The following ZFP2 variants were observed in gnomAD, a reference collection of about 807,000 sequenced individuals.
The protein encoded by ZFP2 is zinc finger protein ZFP2.
ZFP2 carries 33 observed loss-of-function variants against 36.1 expected under a neutral mutation model. The observed-to-expected ratio is 0.92, with a 90% CI of 0.69 to 1.22. The LOEUF is 1.22. Ranked by LOEUF, ZFP2 falls within the 50% of genes most tolerant of loss-of-function variation. ZFP2 has a pLI of 0.00. For synonymous variants in ZFP2, 170 were observed against 178.0 expected, an observed-to-expected ratio of 0.96 and a Z score of 0.36; for missense variants, 522 against 551.4, an observed-to-expected ratio of 0.95 and a Z score of 0.53.
chr5:178,917,951 TC>T (rs1758476694), intron 4 of ZFP2, among the ~76,000 whole-genome samples: 1 of 152,250 alleles, frequency 6.6e-6, no homozygotes. Flanking sequence ...CCTTAGATAG[TC>T]CTATGACTTC....
At chr5:178,920,608 G>C (rs1291480273) in intron 4 of ZFP2, among the ~76,000 whole-genome samples, 1 of 151,146 alleles carries the variant, frequency 6.6e-6, no homozygotes, top group Non-Finnish European at 1.5e-5. Flanking sequence ...CTGCACTCCA[G>C]CTTGGGCAAC....
chr5:178,905,067 G>T (rs760812096), intron 1 of ZFP2, among the ~76,000 whole-genome samples: 2 of 151,974 alleles, frequency 1.3e-5, no homozygotes, highest in African/African-American at 2.4e-5. Flanking sequence ...TACTGTTCTC[G>T]TATATTTATC....
In ZFP2 at chr5:178,931,606, G is replaced by A. The variant is rs1163110891; in HGVS notation, c.293G>A (p.Gly98Glu). 1.2e-6 allele frequency: 2 copies of A among 1,614,148 alleles called. No individual in the cohort carries two copies. Residue 98 changes from glycine (G) to glutamate (E), a missense_variant, in exon 5 of 5, where the codon GGA (glycine) becomes GAA (glutamate). By Grantham distance (98) the Gly-to-Glu change is moderately conservative. Coordinates refer to ENST00000361362, the MANE Select transcript of ZFP2 (RefSeq NM_030613.4). ...ELIKTQRMFV[G>E]KKIYECNQCS... ...ATTAAAACTCAAAGAATGTTTGTAGGAAAGAAGATCTATGAATGTAATCAG... is the reference window on the plus strand; with the variant it reads ...ATTAAAACTCAAAGAATGTTTGTAGAAAAGAAGATCTATGAATGTAATCAG...
intron 1 of ZFP2, among the ~76,000 whole-genome samples, chr5:178,911,072 C>T (rs1335797390): frequency 6.6e-6 from 1 of 152,074 alleles, no homozygotes; most frequent in Admixed American, 6.5e-5. Context: ...TTCCCTTTCT[C>T]CTTGGTTAAA....
chr5:178,921,831 A>G (rs1430617526), intron 4 of ZFP2, among the ~76,000 whole-genome samples: 1 of 149,302 alleles, frequency 6.7e-6, no homozygotes, highest in Non-Finnish European at 1.5e-5. Flanking sequence ...AGGGCCTTCA[A>G]ATAATTGCTT....
chr5:178,932,061 G>C lies in ZFP2; in HGVS notation c.748G>C (p.Ala250Pro), dbSNP rs751328502. The change falls in exon 5 of 5, where the codon GCC becomes CCC. Residue 250 changes from alanine (A) to proline (P), a missense_variant. Coordinates refer to ENST00000361362, the MANE Select transcript of ZFP2 (RefSeq NM_030613.4). ...KPYECNECGK[A>P]FSQSMHLIVH... Reference sequence around the variant, plus strand: ...CTATGAATGTAATGAATGTGGAAAAGCCTTCAGTCAAAGCATGCATCTTAT... The same window carrying C: ...CTATGAATGTAATGAATGTGGAAAACCCTTCAGTCAAAGCATGCATCTTAT... 13 of 1,614,000 alleles carry C rather than the reference G, an allele frequency of 8.1e-6. No homozygotes were observed. The highest frequency in any genetic ancestry group is 1.1e-5 in the Non-Finnish European group (13 of 1,180,036).
chr5:178,896,219 G>A (rs1415068328), intron 1 of ZFP2, among the ~76,000 whole-genome samples: 1 of 152,212 alleles, frequency 6.6e-6, no homozygotes, highest in Non-Finnish European at 1.5e-5. Context: ...GTCCTTCGGC[G>A]CTGTCCTGGG....
In ZFP2 at chr5:178,931,644, T is replaced by C; in HGVS notation, c.331T>C (p.Phe111Leu). 1 of 1,614,110 alleles carries C rather than the reference T, an allele frequency of 6.2e-7. No individual in the cohort carries two copies. The highest frequency in any genetic ancestry group is 1.1e-5 in the South Asian group (1 of 91,074). ...TGAATGTAATCAGTGCAGCAAAACC[T>C]TCAGTCAGAGCTCATCCCTTCTTAA... ...IYECNQCSKTFSQSSSLLKHQ... is the reference protein window; with the variant it reads ...IYECNQCSKTLSQSSSLLKHQ... Residue 111 changes from phenylalanine to leucine, a missense_variant, in exon 5 of 5, where the codon TTC (phenylalanine) becomes CTC (leucine). Transcript: ENST00000361362.
At chr5:178,908,468 A>G (rs1758216270) in intron 1 of ZFP2, among the ~76,000 whole-genome samples, 1 of 151,610 alleles carries the variant, frequency 6.6e-6, no homozygotes, top group Non-Finnish European at 1.5e-5. Context: ...AAATTATTAC[A>G]ACCTAATTTC....
intron 4 of ZFP2, among the ~76,000 whole-genome samples, chr5:178,918,740 T>C (rs1758490277): frequency 6.6e-6 from 1 of 152,230 alleles, no homozygotes; most frequent in African/African-American, 2.4e-5. Context: ...GTATGTTGCT[T>C]AATGTAAAAT....
At chr5:178,927,685 G>T (rs200012350) in intron 4 of ZFP2, among the ~76,000 whole-genome samples, 1 of 150,046 alleles carries the variant, frequency 6.7e-6, no homozygotes, top group Non-Finnish European at 1.5e-5. Flanking sequence ...GTGTGTGTGT[G>T]TGTGTGTGTG....
chr5:178,928,523 G>C (rs1346919982), intron 4 of ZFP2, among the ~76,000 whole-genome samples: 2 of 152,230 alleles, frequency 1.3e-5, no homozygotes, highest in Admixed American at 1.3e-4. Flanking sequence ...CATCAGGGCA[G>C]TCATTAAATC....
rs1758437612 is a variant in ZFP2, at chr5:178,916,659, C to T, written c.-129C>T. The T allele has an allele frequency of 2.0e-6, 2 of 985,430 alleles. No individual in the cohort carries two copies. The highest frequency in any genetic ancestry group is 1.1e-4 in the East Asian group (1 of 8,818). The allele number at this position is 985,430 out of a possible 1,614,324, so 61.0% of individuals were successfully genotyped here. On this transcript the variant is annotated 5_prime_UTR_variant, in exon 4 of 5. Coordinates refer to ENST00000361362, the MANE Select transcript of ZFP2 (RefSeq NM_030613.4). ...GAGAAAGTATTGACTGAGTGCTGTG[C>T]TCAGCTCTTCCACAGCCAGCATCTC...
chr5:178,928,232 C>T (rs1455298984), intron 4 of ZFP2, among the ~76,000 whole-genome samples: 1 of 152,138 alleles, frequency 6.6e-6, no homozygotes, highest in Non-Finnish European at 1.5e-5. Context: ...CATTCTGCCC[C>T]TGGCCCCTCC....
chr5:178,932,149 T>C lies in ZFP2; in HGVS notation c.836T>C (p.Phe279Ser). ...PYECSQCGKA[F>S]SKSSTLTLHQ... ...GAGTGTAGTCAATGTGGAAAAGCCT[T>C]TAGTAAGAGCTCAACTCTTACCCTA... Residue 279 changes from phenylalanine to serine, a missense_variant, in exon 5 of 5, where the codon TTT (phenylalanine) becomes TCT (serine). Coordinates refer to ENST00000361362, the MANE Select transcript of ZFP2 (RefSeq NM_030613.4). 6.2e-7 allele frequency: 1 copy of C among 1,613,230 alleles called. No homozygotes were observed.
At chr5:178,928,258 C>G (rs1010488318) in intron 4 of ZFP2, among the ~76,000 whole-genome samples, 9 of 152,180 alleles carry the variant, frequency 5.9e-5, no homozygotes, top group Non-Finnish European at 1.2e-4. Context: ...TTATGTCTTT[C>G]TCACATTTCA....
At chr5:178,919,613 G>A (rs994073201) in intron 4 of ZFP2, among the ~76,000 whole-genome samples, 4 of 152,112 alleles carry the variant, frequency 2.6e-5, no homozygotes, top group Non-Finnish European at 5.9e-5. Context: ...CCACCAAGTA[G>A]TGTATCAATT....
intron 1 of ZFP2, among the ~76,000 whole-genome samples, chr5:178,903,532 A>G (rs1052698707): frequency 6.6e-6 from 1 of 152,216 alleles, no homozygotes; most frequent in Non-Finnish European, 1.5e-5. Flanking sequence ...TCTTTCCTAT[A>G]AAGTGGATAG....
intron 1 of ZFP2, among the ~76,000 whole-genome samples, chr5:178,897,739 G>A (rs763921785): frequency 2.6e-5 from 4 of 151,952 alleles, no homozygotes; most frequent in Admixed American, 1.3e-4. Context: ...TTCCCTGTTC[G>A]GCTATAACAT....
Sources: gnomAD v4.1 joint callset for allele counts (sites outside exome capture counted in the v4.1 genomes callset) on GRCh38, gnomAD v4.1.1 for gene constraint, MANE v1.5 for transcripts, NCBI Gene and HGNC (gene_info 2026-07-23, HGNC 2026-07-21) for gene names.